DLGAP1: variants seen among roughly 807,000 people sequenced by gnomAD.
The protein encoded by DLGAP1 is DLG associated protein 1, also known as disks large-associated protein 1.
A neutral mutation model predicts 90.8 loss-of-function variants in DLGAP1; 11 were observed. That is an observed-to-expected ratio of 0.12 (90% confidence interval 0.08 to 0.20). The LOEUF is 0.20. DLGAP1 is among the 10% of genes least tolerant of loss of function. The probability of loss-of-function intolerance (pLI) is 1.00; values close to 1 mark genes in which losing one functional copy is unlikely to be tolerated. For synonymous variants in DLGAP1, 558 were observed against 540.7 expected, an observed-to-expected ratio of 1.03 and a Z score of -0.44; for missense variants, 1,050 against 1,333.8, an observed-to-expected ratio of 0.79 and a Z score of 3.31.
In DLGAP1 at chr18:3,937,718, C is replaced by T. The variant is rs538884397; in HGVS notation, c.-72-57578G>A. Among the ~76,000 whole-genome samples the T allele has an allele frequency of 3.0e-4, 46 of 152,284 alleles. No homozygotes were observed. In the South Asian group the frequency reaches 6.2e-3, roughly 21 times the overall value. On this transcript the variant is annotated intron_variant, in intron 3 of 12. Transcript: ENST00000315677. ...CAAAATTTATGTAATAAAGCTTATG[C>T]TGTTTCCTTATAGGAAGTCCCATCA...
intron 7 of DLGAP1, among the ~76,000 whole-genome samples, chr18:3,615,370 T>C (rs1051513166): frequency 6.6e-6 from 1 of 152,192 alleles, no homozygotes; most frequent in African/African-American, 2.4e-5. Flanking sequence ...GACTAGAAAC[T>C]CACTTCTAAA....
At chr18:4,452,022 TAAAC>T (rs766927866) in intron 1 of DLGAP1, among the ~76,000 whole-genome samples, 32 of 152,140 alleles carry the variant, frequency 2.1e-4, no homozygotes, top group Admixed American at 3.9e-4. Flanking sequence ...AAAGAGAAAA[TAAAC>T]AAAATAACCT....
intron 5 of DLGAP1, among the ~76,000 whole-genome samples, chr18:3,798,634 G>A (rs1230841398): frequency 6.6e-6 from 1 of 152,070 alleles, no homozygotes; most frequent in East Asian, 1.9e-4. Flanking sequence ...TTTTATCGTT[G>A]TCTATTCCCT....
intron 7 of DLGAP1, among the ~76,000 whole-genome samples, chr18:3,590,209 C>G (rs2056152831): frequency 6.6e-6 from 1 of 152,146 alleles, no homozygotes; most frequent in South Asian, 2.1e-4. Context: ...TGTGCCTGGC[C>G]AAAAGGGCTT....
At chr18:3,747,038 C>G (rs1466747830) in intron 5 of DLGAP1, among the ~76,000 whole-genome samples, 5 of 152,120 alleles carry the variant, frequency 3.3e-5, no homozygotes, top group African/African-American at 1.2e-4. Flanking sequence ...GAAAGTAAAT[C>G]TCTTATTGCA....
intron 2 of DLGAP1, among the ~76,000 whole-genome samples, chr18:4,021,154 T>C (rs2074602264): frequency 6.6e-6 from 1 of 152,206 alleles, no homozygotes; most frequent in Non-Finnish European, 1.5e-5. Context: ...AATAAAACTC[T>C]AGTCTCCTGT....
At chr18:4,228,857 A>T (rs977515813) in intron 1 of DLGAP1, among the ~76,000 whole-genome samples, 1 of 151,980 alleles carries the variant, frequency 6.6e-6, no homozygotes, top group African/African-American at 2.4e-5. Flanking sequence ...CAACAAAAAA[A>T]ATTTTAAAAA....
rs149822792 is a variant in DLGAP1 at position 3,647,372 on chromosome 18, G to A, written c.1592-65124C>T. ...TTTTTGAGCCCATAAAAACAAAAAC[G>A]ATAACAAAACTATAAATAAATATCT... On this transcript the variant is annotated intron_variant, in intron 7 of 12. Coordinates refer to ENST00000315677, the MANE Select transcript of DLGAP1 (RefSeq NM_004746.4). Among the ~76,000 whole-genome samples the A allele has an allele frequency of 9.0e-4, 137 of 151,604 alleles. 4 individuals carry two copies. In the East Asian group the frequency reaches 0.024, roughly 27 times the overall value.
At chr18:4,326,309 A>G (rs1452118841) in intron 1 of DLGAP1, among the ~76,000 whole-genome samples, 1 of 152,080 alleles carries the variant, frequency 6.6e-6, no homozygotes, top group Non-Finnish European at 1.5e-5. Flanking sequence ...TGTCTCACAG[A>G]TGTCAGAATG....
At chr18:3,899,929 G>A (rs1599134092) in intron 3 of DLGAP1, among the ~76,000 whole-genome samples, 1 of 152,110 alleles carries the variant, frequency 6.6e-6, no homozygotes, top group African/African-American at 2.4e-5. Flanking sequence ...TTTTTATCAA[G>A]GTTGATTTTT....
chr18:3,576,298 C>T (rs1278589826), intron 8 of DLGAP1, among the ~76,000 whole-genome samples: 2 of 149,672 alleles, frequency 1.3e-5, no homozygotes, highest in African/African-American at 2.5e-5. Context: ...CTTGCTCTGT[C>T]GCCCAGGCTG....
chr18:3,994,577 T>C (rs2074031509), intron 3 of DLGAP1, among the ~76,000 whole-genome samples: 1 of 152,220 alleles, frequency 6.6e-6, no homozygotes, highest in African/African-American at 2.4e-5. Flanking sequence ...ACCTGGATGC[T>C]TGCCACTATA....
intron 3 of DLGAP1, among the ~76,000 whole-genome samples, chr18:3,998,811 T>G (rs899831457): frequency 6.6e-6 from 1 of 152,140 alleles, no homozygotes; most frequent in Admixed American, 6.6e-5. Flanking sequence ...GCAAAATGAT[T>G]ACAAAAATCA....
At chr18:3,825,841 C>T (rs150803746) in intron 4 of DLGAP1, among the ~76,000 whole-genome samples, 282 of 152,212 alleles carry the variant, frequency 1.9e-3, no homozygotes, top group African/African-American at 6.2e-3. Flanking sequence ...GATCACAGCC[C>T]TATTAAACTA....
At chr18:4,106,031 C>CAAAAAAAA (rs60176243) in intron 2 of DLGAP1, among the ~76,000 whole-genome samples, 3 of 102,268 alleles carry the variant, frequency 2.9e-5, no homozygotes, top group African/African-American at 6.7e-5. Flanking sequence ...GGGTCCGTCT[C>CAAAAAAAA]AAAAAAAAAA....
chr18:4,154,764 T>C (rs2076728268), intron 1 of DLGAP1, among the ~76,000 whole-genome samples: 1 of 152,164 alleles, frequency 6.6e-6, no homozygotes, highest in South Asian at 2.1e-4. Context: ...TGGCTAACTT[T>C]AGCCAGGTTA....
At chr18:3,835,966 A>G (rs914015592) in intron 4 of DLGAP1, among the ~76,000 whole-genome samples, 18 of 152,226 alleles carry the variant, frequency 1.2e-4, no homozygotes, top group African/African-American at 4.3e-4. Flanking sequence ...GATGTTGACT[A>G]TATTTAACTT....
intron 1 of DLGAP1, among the ~76,000 whole-genome samples, chr18:4,353,479 T>C (rs937157732): frequency 6.6e-5 from 10 of 152,176 alleles, no homozygotes; most frequent in African/African-American, 1.9e-4. Context: ...CTCCGTGTGA[T>C]TGGCAGTTTT....
intron 7 of DLGAP1, among the ~76,000 whole-genome samples, chr18:3,647,067 G>A (rs544776197): frequency 6.6e-5 from 10 of 152,084 alleles, no homozygotes; most frequent in African/African-American, 2.4e-4. Context: ...TGACCAACAC[G>A]GTGAAACCCT....
Sources: allele counts gnomAD v4.1 joint callset (sites outside exome capture counted in the v4.1 genomes callset), GRCh38; gene constraint gnomAD v4.1.1; transcripts MANE v1.5; gene names NCBI Gene and HGNC (gene_info 2026-07-23, HGNC 2026-07-21).